FAM13B: variants seen among roughly 807,000 people sequenced by gnomAD.
FAM13B encodes family with sequence similarity 13 member B, also known as protein FAM13B.
FAM13B carries 60 observed loss-of-function variants against 117.3 expected under a neutral mutation model. That is an observed-to-expected ratio of 0.51 (90% CI 0.42 to 0.63). The LOEUF (loss-of-function observed/expected upper bound fraction) is 0.63. Among genes scored for constraint, FAM13B ranks in the 30% least tolerant of loss-of-function variants. FAM13B has a pLI of 0.00. For missense variants in FAM13B, 972 were observed against 1,091.9 expected (o/e 0.89, Z 1.55); for synonymous variants, 332 against 356.1 (o/e 0.93, Z 0.76).
chr5:137,954,511 C>CAT lies in FAM13B; in HGVS notation c.1508-136_1508-135insAT, dbSNP rs1252138213. 8.3e-6 allele frequency: 4 copies of CAT among 481,712 alleles called. No homozygotes were observed. The East Asian group carries it at 9.5e-5, about 11-fold the overall frequency. 29.8% of individuals were successfully genotyped at this position (481,712 alleles called of 1,614,324 possible). A position where few individuals can be genotyped will look rare whatever the true frequency, so the allele number is the denominator to read the frequency against. On this transcript the variant is annotated intron_variant, in intron 14 of 23. Coordinates refer to ENST00000689681, the MANE Select transcript of FAM13B (RefSeq NM_001385994.1). ...TCATATATACATACACACATACACA[C>CAT]ACACACACACACATACATGTGTGTG...
At chr5:138,012,616 G>C (rs1784322770) in intron 4 of FAM13B, among the ~76,000 whole-genome samples, 1 of 152,120 alleles carries the variant, frequency 6.6e-6, no homozygotes, top group South Asian at 2.1e-4. Context: ...TCGTGTCAAT[G>C]AGTTTTCATT....
chr5:137,970,625 G>A (rs977147762), intron 10 of FAM13B, among the ~76,000 whole-genome samples: 7 of 152,112 alleles, frequency 4.6e-5, no homozygotes, highest in Non-Finnish European at 8.8e-5. Flanking sequence ...AACTTTAAAT[G>A]TAAATGGGCT....
At chr5:137,973,287 C>A (rs1772863752) in intron 10 of FAM13B, among the ~76,000 whole-genome samples, 1 of 152,058 alleles carries the variant, frequency 6.6e-6, no homozygotes, top group African/African-American at 2.4e-5. Context: ...CAGAACATAG[C>A]CCTCAGAAAT....
At chr5:138,044,226 C>G (rs1284109126) in intron 1 of FAM13B, among the ~76,000 whole-genome samples, 2 of 152,046 alleles carry the variant, frequency 1.3e-5, no homozygotes, top group African/African-American at 4.8e-5. Flanking sequence ...ACTGCACCAG[C>G]CTAAAAAAGA....
At chr5:138,024,902 ACT>A (rs67859787) in intron 1 of FAM13B, among the ~76,000 whole-genome samples, 111,008 of 150,354 alleles carry the variant, frequency 0.74, 41,579 homozygotes, top group East Asian at 0.97. Context: ...ACAGAGTCTT[ACT>A]CTGTCACCCA....
intron 10 of FAM13B, among the ~76,000 whole-genome samples, chr5:137,975,889 A>C (rs1773775478): frequency 6.7e-6 from 1 of 150,070 alleles, no homozygotes; most frequent in Non-Finnish European, 1.5e-5. Context: ...GACATGCTCA[A>C]ATCTCCATCC....
At chr5:138,031,037 A>C (rs542927257) in intron 1 of FAM13B, among the ~76,000 whole-genome samples, 2 of 152,262 alleles carry the variant, frequency 1.3e-5, no homozygotes, top group South Asian at 2.1e-4. Context: ...TCTCAAAAAA[A>C]AAAACAAAAC....
chr5:138,005,885 AATT>A (rs1782412310), intron 7 of FAM13B, among the ~76,000 whole-genome samples: 1 of 151,958 alleles, frequency 6.6e-6, no homozygotes, highest in African/African-American at 2.4e-5. Flanking sequence ...TTCTGACTCA[AATT>A]ATTATTTCCT....
chr5:138,030,157 A>G (rs1445950437), intron 1 of FAM13B, among the ~76,000 whole-genome samples: 1 of 152,116 alleles, frequency 6.6e-6, no homozygotes, highest in East Asian at 1.9e-4. Flanking sequence ...ATCCTTGGAG[A>G]GGCTTTCTTC....
At chr5:138,001,305 C>A (rs1265273496) in intron 7 of FAM13B, among the ~76,000 whole-genome samples, 1 of 152,146 alleles carries the variant, frequency 6.6e-6, no homozygotes, top group Non-Finnish European at 1.5e-5. Context: ...ACGAAAAGTT[C>A]AATCTCCAGT....
chr5:137,997,474 A>T (rs780442277), intron 7 of FAM13B, among the ~76,000 whole-genome samples: 18 of 149,924 alleles, frequency 1.2e-4, no homozygotes, highest in East Asian at 5.8e-4. Flanking sequence ...CATCTCAAAA[A>T]ATATATATAT....
chr5:138,030,586 T>C (rs1018055676), intron 1 of FAM13B, among the ~76,000 whole-genome samples: 2 of 152,112 alleles, frequency 1.3e-5, no homozygotes, highest in African/African-American at 4.8e-5. Flanking sequence ...TTAATGTCTG[T>C]TTCTACCAAC....
In FAM13B at chr5:138,022,187, T is replaced by C. The variant is rs141788732; in HGVS notation, c.-202-990A>G. 1.2e-3 allele frequency among the ~76,000 whole-genome samples: 189 copies of C among 152,158 alleles called. 1 individual carries two copies. The highest frequency in any genetic ancestry group is 2.0e-3 in the Non-Finnish European group (134 of 68,014). ...TAGTTTAACTGAGATAACATAGGTA[T>C]GCAGTAGATAGAGAACCAGTCTCCT... is the stretch of plus-strand genomic sequence containing the variant. On this transcript the variant is annotated intron_variant, in intron 1 of 23. Coordinates refer to ENST00000689681, the MANE Select transcript of FAM13B (RefSeq NM_001385994.1).
chr5:137,940,564 T>C (rs1761385167), intron 23 of FAM13B: 2 of 472,160 alleles, frequency 4.2e-6, no homozygotes, highest in African/African-American at 2.0e-5. Context: ...GATTAAATGA[T>C]GCTATACTTA....
chr5:137,954,262 A>C lies in FAM13B; in HGVS notation c.1622T>G (p.Val541Gly). ...HHPLEEDCPP[V>G]LSHRSLDFGQ... ...AAAATCTAAACTGCGGTGTGATAAT[A>C]CTGGAGGACAGTCCTCTTCCAAGGG... Residue 541 changes from valine to glycine, a missense_variant, in exon 15 of 24, where the codon GTA becomes GGA. Transcript: ENST00000689681. The C allele has an allele frequency of 6.2e-7, 1 of 1,614,066 alleles. No individual in the cohort carries two copies. Among genetic ancestry groups the C allele is most frequent in the Non-Finnish European group, 8.5e-7 (1 of 1,179,978 alleles).
At chr5:138,046,078 A>G (rs934963586) in intron 1 of FAM13B, among the ~76,000 whole-genome samples, 1 of 152,152 alleles carries the variant, frequency 6.6e-6, no homozygotes, top group African/African-American at 2.4e-5. Context: ...AGTCTTTCCC[A>G]TGCTGTTCTC....
At chr5:137,998,260 T>C (rs1042599191) in intron 7 of FAM13B, among the ~76,000 whole-genome samples, 2 of 152,204 alleles carry the variant, frequency 1.3e-5, no homozygotes, top group Admixed American at 6.5e-5. Context: ...CTTGGGGTCT[T>C]AGCATAAGTC....
At chr5:138,018,892 C>G in intron 3 of FAM13B, 63 bp downstream of exon 3, 1 of 1,359,156 alleles carries the variant, frequency 7.4e-7, no homozygotes, top group Non-Finnish European at 1.0e-6. Flanking sequence ...AATCCAAGGT[C>G]AAAAAGGTGT....
intron 11 of FAM13B, among the ~76,000 whole-genome samples, chr5:137,961,283 T>G (rs1768026012): frequency 6.7e-6 from 1 of 149,100 alleles, no homozygotes; most frequent in Admixed American, 6.9e-5. Flanking sequence ...TTATACACAG[T>G]TGAAGTTGAA....
Sources: gnomAD v4.1 joint callset for allele counts (sites outside exome capture counted in the v4.1 genomes callset) on GRCh38, gnomAD v4.1.1 for gene constraint, MANE v1.5 for transcripts, NCBI Gene and HGNC (gene_info 2026-07-23, HGNC 2026-07-21) for gene names.